The following TSC1 variants were observed in gnomAD, a reference collection of about 807,000 sequenced individuals.
TSC1 encodes the protein TSC complex subunit 1, also known as hamartin.
In TSC1, 20 loss-of-function variants were observed where a neutral mutation model predicts 124.3. That is an observed-to-expected ratio of 0.16 (90% confidence interval 0.11 to 0.23). The LOEUF is 0.23. Ranked by LOEUF, TSC1 falls within the 10% of genes least tolerant of loss-of-function variation. The pLI is 1.00. For missense variants in TSC1, 1,124 were observed against 1,448.5 expected (o/e 0.78, Z 3.64); for synonymous variants, 493 against 539.1 (o/e 0.91, Z 1.19).
chr9:132,928,554 T>A (rs1304663704), intron 3 of TSC1, among the ~76,000 whole-genome samples: 1 of 152,192 alleles, frequency 6.6e-6, no homozygotes, highest in Non-Finnish European at 1.5e-5. Context: ...GAAACTGGAT[T>A]CATGGGGTTC....
rs1313254882 is a variant in TSC1 at position 132,896,891 on chromosome 9, C to CA, written c.2976-138dup. On this transcript the variant is annotated intron_variant, in intron 22 of 22. Transcript: ENST00000298552. This position sits in a 1 kb window ranked among gnomAD's most constrained non-coding sequence, Gnocchi z 4.5. Reference sequence around the variant, plus strand: ...ACTCTCTGTTTTATAATACTGGACTCAAGAGATCTCATCAAGAGAAACCTA... The same window carrying CA: ...ACTCTCTGTTTTATAATACTGGACTCAAAGAGATCTCATCAAGAGAAACCTA... 3 of 1,390,530 alleles carry CA rather than the reference C, an allele frequency of 2.2e-6. No homozygotes were observed. Among genetic ancestry groups the CA allele is most frequent in the Non-Finnish European group, 3.0e-6 (3 of 989,336 alleles). The allele number at this position is 1,390,530 out of a possible 1,614,324, so 86.1% of individuals were successfully genotyped here.
intron 4 of TSC1, 121 bp downstream of exon 4, chr9:132,927,080 G>C (rs1229105989): frequency 2.2e-6 from 2 of 921,522 alleles, no homozygotes; most frequent in African/African-American, 3.3e-5. Context: ...TGGGAACAAT[G>C]TCATCAGTGG....
At position 132,893,808 on chromosome 9, in the gene TSC1, A is replaced by G. The variant is rs1844890762; in HGVS notation, c.*2427T>C. ...TACTAATACCTTTGCCCAGGACTGAATTGCCTCTCGAGAGTAATACTGTCA... is the reference window on the plus strand; with the variant it reads ...TACTAATACCTTTGCCCAGGACTGAGTTGCCTCTCGAGAGTAATACTGTCA... On this transcript the variant is annotated 3_prime_UTR_variant, in exon 23 of 23. Coordinates refer to ENST00000298552, the MANE Select transcript of TSC1 (RefSeq NM_000368.5). 1 of 233,252 alleles carries G rather than the reference A, an allele frequency of 4.3e-6. No individual in the cohort carries two copies. The highest frequency in any genetic ancestry group is 6.0e-5 in the East Asian group (1 of 16,594). 14.4% of individuals were successfully genotyped at this position (233,252 alleles called of 1,614,324 possible).
At position 132,906,024 on chromosome 9, in the gene TSC1, C is replaced by G. The variant is rs1845649506; in HGVS notation, c.1554G>C (p.Lys518Asn). Residue 518 changes from lysine to asparagine, a missense_variant, in exon 15 of 23, where the codon AAG (lysine) becomes AAC (asparagine). Transcript: ENST00000298552. The surrounding 1 kb of genome is among the most constrained non-coding windows in gnomAD (Gnocchi z 4.1). Reference sequence around the variant, plus strand: ...GAGAACTGGAGGCTGCCGAGTGGGTCTTCCGCTGAGAACCTGGGAGACTGT... The same window carrying G: ...GAGAACTGGAGGCTGCCGAGTGGGTGTTCCGCTGAGAACCTGGGAGACTGT... ...YRDSLPGSQRKTHSAASSSQG... is the reference protein window; with the variant it reads ...YRDSLPGSQRNTHSAASSSQG... 1 of 1,614,040 alleles carries G rather than the reference C, an allele frequency of 6.2e-7. No homozygotes were observed. Among genetic ancestry groups the G allele is most frequent in the African/African-American group, 1.3e-5 (1 of 75,012 alleles).
chr9:132,921,501 T>C lies in TSC1; in HGVS notation c.664-65A>G. On this transcript the variant is annotated intron_variant, in intron 7 of 22. Coordinates refer to ENST00000298552, the MANE Select transcript of TSC1 (RefSeq NM_000368.5). The surrounding 1 kb of genome is among the most constrained non-coding windows in gnomAD (Gnocchi z 4.3). ...TTTGTGGAACATCCAAATGATGGAA[T>C]ATTAGTTGACAATTAAAAGGAATGA... is the stretch of plus-strand genomic sequence containing the variant. The C allele has an allele frequency of 1.9e-6, 3 of 1,562,000 alleles. No individual in the cohort carries two copies. Among genetic ancestry groups the C allele is most frequent in the Admixed American group, 3.3e-5 (2 of 59,840 alleles).
chr9:132,917,041 T>C (rs1247628488), intron 8 of TSC1, among the ~76,000 whole-genome samples: 1 of 152,254 alleles, frequency 6.6e-6, no homozygotes, highest in Non-Finnish European at 1.5e-5. Context: ...GTTGGCTGGC[T>C]ATAGAATTCT....
rs1846001522 is a variant in TSC1 at position 132,912,271 on chromosome 9, A to C, written c.913+11T>G. On this transcript the variant is annotated intron_variant, in intron 9 of 22. Coordinates refer to ENST00000298552, the MANE Select transcript of TSC1 (RefSeq NM_000368.5). ...GTTGCAAAACAGATAAGTACCAAAGACACTTTTTACCATAGCTATTCTGTG... is the reference window on the plus strand; with the variant it reads ...GTTGCAAAACAGATAAGTACCAAAGCCACTTTTTACCATAGCTATTCTGTG... 10 of 1,614,040 alleles carry C rather than the reference A, an allele frequency of 6.2e-6. No individual in the cohort carries two copies. Among genetic ancestry groups the C allele is most frequent in the Non-Finnish European group, 8.5e-6 (10 of 1,179,914 alleles).
chr9:132,905,597 T>C lies in TSC1; in HGVS notation c.1981A>G (p.Ser661Gly), dbSNP rs1177199080. The C allele has an allele frequency of 1.2e-6, 2 of 1,614,070 alleles. No individual in the cohort carries two copies. The highest frequency in any genetic ancestry group is 1.7e-6 in the Non-Finnish European group (2 of 1,180,052). Reference protein sequence around the residue: ...RLIQQGADAHSKELNKLPLPS... With the variant: ...RLIQQGADAHGKELNKLPLPS... ...GTCCCTTACTTGTTCAGCTCCTTGC[T>C]GTGCGCGTCTGCTCCCTGCTGTATC... is the stretch of plus-strand genomic sequence containing the variant. Residue 661 changes from serine (S) to glycine (G), a missense_variant, in exon 15 of 23, where the codon AGC becomes GGC. By Grantham distance (56) the Ser-to-Gly change is moderately conservative (BLOSUM62 0). Transcript: ENST00000298552.
rs2131955500 is a variant in TSC1 at position 132,910,984 on chromosome 9, A to C, written c.1141+18T>G. 2 of 1,609,700 alleles carry C rather than the reference A, an allele frequency of 1.2e-6. No homozygotes were observed. Among genetic ancestry groups the C allele is most frequent in the East Asian group, 4.5e-5 (2 of 44,856 alleles). On this transcript the variant is annotated intron_variant, in intron 11 of 22. Coordinates refer to ENST00000298552, the MANE Select transcript of TSC1 (RefSeq NM_000368.5). The stretch of plus-strand genomic sequence containing the variant: ...AGGCCAAAACCAACTAATCAAATCC[A>C]ACCTAAGACATACATACCAGTTGTA...
At chr9:132,897,152 C>A in intron 22 of TSC1, 32 bp downstream of exon 22, 1 of 1,613,532 alleles carries the variant, frequency 6.2e-7, no homozygotes, top group Non-Finnish European at 8.5e-7. Flanking sequence ...GCAGCTTAGT[C>A]CCAAGGTCAT....
At chr9:132,932,784 C>T (rs1042704764) in intron 2 of TSC1, among the ~76,000 whole-genome samples, 7 of 152,184 alleles carry the variant, frequency 4.6e-5, no homozygotes, top group African/African-American at 1.7e-4. Flanking sequence ...ACTCTTCTCC[C>T]ACATCCTTGC....
chr9:132,914,127 T>C (rs1469230576), intron 8 of TSC1, among the ~76,000 whole-genome samples: 3 of 151,968 alleles, frequency 2.0e-5, no homozygotes, highest in Non-Finnish European at 4.4e-5. Context: ...CTTGAACTCC[T>C]GACCTCAGGT....
rs57259325 is a variant in TSC1, at chr9:132,927,521, C to CTTTTTTTTTTTT, written c.107-229_107-218dup. On this transcript the variant is annotated intron_variant, in intron 3 of 22. Coordinates refer to ENST00000298552, the MANE Select transcript of TSC1 (RefSeq NM_000368.5). ...AAACATATGAAGTCATTTTTATTGC[C>CTTTTTTTTTTTT]TTTTTTTTTTTTTTTTTTTTGAGAT... Among the ~76,000 whole-genome samples, 2 of 103,940 alleles carry CTTTTTTTTTTTT rather than the reference C, an allele frequency of 1.9e-5. 1 individual carries two copies. The allele number at this position is 103,940 out of a possible 152,430, so 68.2% of individuals were successfully genotyped here.
chr9:132,900,663 T>C, intron 20 of TSC1, 52 bp downstream of exon 20: 1 of 1,611,788 alleles, frequency 6.2e-7, no homozygotes, highest in East Asian at 2.2e-5. Context: ...ACATACTGTC[T>C]GGGTCTGAAA....
In TSC1 at chr9:132,892,125, A is replaced by G; in HGVS notation, c.*4110T>C. On this transcript the variant is annotated 3_prime_UTR_variant, in exon 23 of 23. Transcript: ENST00000298552. ...CCTCAGGCGAGCAGATAAGGACTGC[A>G]GGACGGCATGGAAGAGACAGGAACA... The G allele has an allele frequency of 4.3e-6, 1 of 233,244 alleles. No individual in the cohort carries two copies. The highest frequency in any genetic ancestry group is 8.5e-6 in the Non-Finnish European group (1 of 118,024). The allele number at this position is 233,244 out of a possible 1,614,324, so 14.4% of individuals were successfully genotyped here.
At position 132,891,797 on chromosome 9, in the gene TSC1, T is replaced by A. The variant is rs1423139714; in HGVS notation, c.*4438A>T. The A allele has an allele frequency of 4.3e-6, 1 of 233,678 alleles. No homozygotes were observed. Among genetic ancestry groups the A allele is most frequent in the African/African-American group, 2.2e-5 (1 of 45,460 alleles). 14.5% of individuals were successfully genotyped at this position (233,678 alleles called of 1,614,324 possible). ...TCCTAGTGCAAAATGCGTGGCTGCC[T>A]CTTTCATAAGCCAAAGTACTTGCTA... On this transcript the variant is annotated 3_prime_UTR_variant, in exon 23 of 23. Coordinates refer to ENST00000298552, the MANE Select transcript of TSC1 (RefSeq NM_000368.5).
intron 4 of TSC1, 90 bp downstream of exon 4, chr9:132,927,111 A>G: frequency 8.0e-7 from 1 of 1,255,578 alleles, no homozygotes; most frequent in South Asian, 1.3e-5. Context: ...TCAAAAGAAT[A>G]AGCTCAGGAC....
rs185659543 is a variant in TSC1 at position 132,904,981 on chromosome 9, T to C, written c.1998-527A>G. Among the ~76,000 whole-genome samples the C allele has an allele frequency of 3.9e-5, 6 of 152,282 alleles. No individual in the cohort carries two copies. In the East Asian group the frequency reaches 1.2e-3, roughly 29 times the overall value. ...TGTCAAATTCCACCATAGCATAGTA[T>C]ATAAGAAGAAAAATAAAAATATTCC... On this transcript the variant is annotated intron_variant, in intron 15 of 22. Transcript: ENST00000298552.
At chr9:132,916,914 C>T (rs1436425681) in intron 8 of TSC1, among the ~76,000 whole-genome samples, 3 of 152,160 alleles carry the variant, frequency 2.0e-5, no homozygotes, top group African/African-American at 7.2e-5. Context: ...CTTCCTCCTT[C>T]ATGATTTTAC....
Sources: allele counts gnomAD v4.1 joint callset (sites outside exome capture counted in the v4.1 genomes callset), GRCh38; gene constraint gnomAD v4.1.1; non-coding constraint Gnocchi (gnomAD v3.1); transcripts MANE v1.5; gene names NCBI Gene and HGNC (gene_info 2026-07-23, HGNC 2026-07-21).